The following RUBCN variants were observed in gnomAD, a reference collection of about 807,000 sequenced individuals.
The protein encoded by RUBCN is rubicon autophagy regulator, also known as run domain Beclin-1-interacting and cysteine-rich domain-containing protein.
In RUBCN, 74 loss-of-function variants were observed where a neutral mutation model predicts 113.2. The observed-to-expected ratio is 0.65, with a 90% CI of 0.54 to 0.79. The LOEUF (loss-of-function observed/expected upper bound fraction) is 0.79, where lower values mean the gene tolerates loss of function less well. Ranked by LOEUF, RUBCN falls within the 30% of genes least tolerant of loss-of-function variation. The pLI, the probability that RUBCN is intolerant of heterozygous loss-of-function variation, is 0.00. For missense variants in RUBCN, 1,109 were observed against 1,251.7 expected (o/e 0.89, Z 1.72); for synonymous variants, 480 against 490.0 (o/e 0.98, Z 0.27).
chr3:197,700,497 T>A, intron 7 of RUBCN, 116 bp downstream of exon 7: 1 of 942,136 alleles, frequency 1.1e-6, no homozygotes, highest in South Asian at 1.4e-5. Flanking sequence ...AATAAGATGT[T>A]GTATCACCAG....
chr3:197,677,555 GA>G lies in RUBCN; in HGVS notation c.2431-15del, dbSNP rs777687448. 2.4e-5 allele frequency: 38 copies of G among 1,613,362 alleles called. No homozygotes were observed. Among genetic ancestry groups the G allele is most frequent in the African/African-American group, 9.3e-5 (7 of 74,930 alleles). ...GACCCGCAGCAGCTGAAAAGAAAGA[GA>G]GGGGGGCAGGAGTGGGAGGGAGATG... On this transcript the variant is annotated splice_polypyrimidine_tract_variant and intron_variant, in intron 16 of 19. Coordinates refer to ENST00000296343, the MANE Select transcript of RUBCN (RefSeq NM_014687.4).
chr3:197,748,040 T>C (rs965840170), intron 1 of RUBCN: 9 of 152,136 alleles, frequency 5.9e-5, no homozygotes, highest in African/African-American at 2.2e-4. Context: ...CAAGCGATTC[T>C]CCTGCCTCAG....
At chr3:197,685,023 T>C (rs1310061683) in intron 11 of RUBCN, among the ~76,000 whole-genome samples, 1 of 152,198 alleles carries the variant, frequency 6.6e-6, no homozygotes, top group Non-Finnish European at 1.5e-5. Flanking sequence ...AGATGCCTGG[T>C]TACCAACACG....
chr3:197,726,764 A>G (rs1394258952), intron 1 of RUBCN, among the ~76,000 whole-genome samples: 1 of 130,586 alleles, frequency 7.7e-6, no homozygotes, highest in African/African-American at 2.9e-5. Context: ...CTGGTCTCAA[A>G]CTCCTGACCT....
In RUBCN at chr3:197,681,957, T is replaced by C. The variant is rs1721296476; in HGVS notation, c.2127-58A>G. On this transcript the variant is annotated intron_variant, in intron 14 of 19. Coordinates refer to ENST00000296343, the MANE Select transcript of RUBCN (RefSeq NM_014687.4). This position sits in a 1 kb window ranked among gnomAD's most constrained non-coding sequence, Gnocchi z 5.5. ...GAGCAGCTGCGTGAGACCTTGGAGG[T>C]GTGAAGGAGTGAGCACACATACATA... 7.7e-7 allele frequency: 1 copy of C among 1,293,734 alleles called. No individual in the cohort carries two copies. Among genetic ancestry groups the C allele is most frequent in the Non-Finnish European group, 1.1e-6 (1 of 889,526 alleles). 80.1% of individuals were successfully genotyped at this position (1,293,734 alleles called of 1,614,324 possible). A position where few individuals can be genotyped will look rare whatever the true frequency, so the allele number is the denominator to read the frequency against.
intron 9 of RUBCN, 106 bp from the exon 10 acceptor site, chr3:197,694,691 A>G: frequency 2.1e-6 from 2 of 966,368 alleles, no homozygotes; most frequent in Non-Finnish European, 3.3e-6. Flanking sequence ...GTTCCTGCCA[A>G]AAACACCCTG....
At chr3:197,746,907 G>A (rs535120792) in intron 1 of RUBCN, among the ~76,000 whole-genome samples, 6 of 152,152 alleles carry the variant, frequency 3.9e-5, no homozygotes, top group Admixed American at 2.6e-4. Flanking sequence ...TGAAGATAGG[G>A]TGTGCATCCG....
At chr3:197,692,054 T>C (rs1410692840) in intron 11 of RUBCN, among the ~76,000 whole-genome samples, 2 of 151,774 alleles carry the variant, frequency 1.3e-5, no homozygotes, top group Admixed American at 6.6e-5. Flanking sequence ...ATTGGGGCAA[T>C]TGGGGGCTAT....
In RUBCN at chr3:197,675,536, T is replaced by G; in HGVS notation, c.2647-21A>C. Reference sequence around the variant, plus strand: ...CAGAGCTGGGGAGGAAAAACACAGATGGCAAAATGAGGAGCGGCACATCAG... The same window carrying G: ...CAGAGCTGGGGAGGAAAAACACAGAGGGCAAAATGAGGAGCGGCACATCAG... On this transcript the variant is annotated intron_variant, in intron 18 of 19. Coordinates refer to ENST00000296343, the MANE Select transcript of RUBCN (RefSeq NM_014687.4). The surrounding 1 kb of genome is among the most constrained non-coding windows in gnomAD (Gnocchi z 4.4). 1 of 1,587,952 alleles carries G rather than the reference T, an allele frequency of 6.3e-7. No homozygotes were observed. The highest frequency in any genetic ancestry group is 8.6e-7 in the Non-Finnish European group (1 of 1,156,828).
At chr3:197,724,953 G>T (rs551422912) in intron 1 of RUBCN, among the ~76,000 whole-genome samples, 1 of 152,264 alleles carries the variant, frequency 6.6e-6, no homozygotes, top group Non-Finnish European at 1.5e-5. Context: ...GCTGAGGCAG[G>T]TGCATTGCTT....
intron 1 of RUBCN, among the ~76,000 whole-genome samples, chr3:197,743,295 C>T (rs1343249885): frequency 4.6e-5 from 7 of 151,828 alleles, no homozygotes; most frequent in Non-Finnish European, 1.0e-4. Flanking sequence ...GTCATGTTCT[C>T]TGCGGTATCC....
At chr3:197,676,562 C>A in intron 18 of RUBCN, 1 of 1,187,978 alleles carries the variant, frequency 8.4e-7, no homozygotes, top group Non-Finnish European at 1.1e-6. Context: ...ACCCGCCCAC[C>A]TCGGCCTCCC....
rs767595168 is a variant in RUBCN at position 197,693,823 on chromosome 3, T to G, written c.1685-7A>C. On this transcript the variant is annotated splice_polypyrimidine_tract_variant and splice_region_variant and intron_variant, in intron 10 of 19. Transcript: ENST00000296343. ...CTGGAGGTGACCCGAAAGCCTGTTATGTTTAAAAACAAAAAGGAATAAACA... is the reference window on the plus strand; with the variant it reads ...CTGGAGGTGACCCGAAAGCCTGTTAGGTTTAAAAACAAAAAGGAATAAACA... 21 of 1,608,030 alleles carry G rather than the reference T, an allele frequency of 1.3e-5. No homozygotes were observed. Among genetic ancestry groups the G allele is most frequent in the Non-Finnish European group, 1.7e-5 (20 of 1,174,532 alleles).
chr3:197,681,936 A>C lies in RUBCN; in HGVS notation c.2127-37T>G. On this transcript the variant is annotated intron_variant, in intron 14 of 19. Coordinates refer to ENST00000296343, the MANE Select transcript of RUBCN (RefSeq NM_014687.4). This position sits in a 1 kb window ranked among gnomAD's most constrained non-coding sequence, Gnocchi z 5.5. Reference sequence around the variant, plus strand: ...TAAGGACAGGGCATTGGCACAGAGCAGCTGCGTGAGACCTTGGAGGTGTGA... The same window carrying C: ...TAAGGACAGGGCATTGGCACAGAGCCGCTGCGTGAGACCTTGGAGGTGTGA... 6.5e-7 allele frequency: 1 copy of C among 1,534,106 alleles called. No homozygotes were observed. Among genetic ancestry groups the C allele is most frequent in the Non-Finnish European group, 9.0e-7 (1 of 1,107,392 alleles).
In RUBCN at chr3:197,712,825, C is replaced by A. The variant is rs555728376; in HGVS notation, c.219+5152G>T. Among the ~76,000 whole-genome samples the A allele has an allele frequency of 2.6e-5, 4 of 151,738 alleles. No homozygotes were observed. The East Asian group carries it at 7.7e-4, about 29-fold the overall frequency. On this transcript the variant is annotated intron_variant, in intron 2 of 19. Coordinates refer to ENST00000296343, the MANE Select transcript of RUBCN (RefSeq NM_014687.4). ...GATGATCATATGCTTTGATATTTTTCATTCTGATGACCAGATACTTTCACA... is the reference window on the plus strand; with the variant it reads ...GATGATCATATGCTTTGATATTTTTAATTCTGATGACCAGATACTTTCACA...
In RUBCN at chr3:197,670,593, GT is replaced by G. The variant is rs1361859218; in HGVS notation, c.*4424del. Among the ~76,000 whole-genome samples the G allele has an allele frequency of 6.6e-6, 1 of 152,202 alleles. No individual in the cohort carries two copies. The highest frequency in any genetic ancestry group is 2.4e-5 in the African/African-American group (1 of 41,452). ...AAAAGGGCCTTAGAACAAAGTGAAGGTTTTGTACTGTAAGCTATTTTCCTAT... is the reference window on the plus strand; with the variant it reads ...AAAAGGGCCTTAGAACAAAGTGAAGGTTTGTACTGTAAGCTATTTTCCTAT... On this transcript the variant is annotated 3_prime_UTR_variant, in exon 20 of 20. Coordinates refer to ENST00000296343, the MANE Select transcript of RUBCN (RefSeq NM_014687.4).
intron 7 of RUBCN, chr3:197,699,289 G>C (rs1723373620): frequency 9.3e-6 from 12 of 1,296,884 alleles, no homozygotes; most frequent in Admixed American, 2.1e-5. Context: ...AGAATACAGA[G>C]AGAGAAAAAA....
At chr3:197,680,322 G>A (rs1314606277) in intron 16 of RUBCN, among the ~76,000 whole-genome samples, 12 of 127,378 alleles carry the variant, frequency 9.4e-5, no homozygotes, top group East Asian at 4.9e-4. Flanking sequence ...ACTGTCCTAC[G>A]CTCTGACAAC....
intron 11 of RUBCN, among the ~76,000 whole-genome samples, chr3:197,685,679 G>A (rs188607528): frequency 7.6e-4 from 116 of 152,246 alleles, no homozygotes; most frequent in Admixed American, 7.3e-3. Flanking sequence ...ACAAGACATC[G>A]ACACATTTTT....
Sources: allele counts gnomAD v4.1 joint callset (sites outside exome capture counted in the v4.1 genomes callset), GRCh38; gene constraint gnomAD v4.1.1; non-coding constraint Gnocchi (gnomAD v3.1); transcripts MANE v1.5; gene names NCBI Gene and HGNC (gene_info 2026-07-23, HGNC 2026-07-21).